Variants in GALK2 observed in about 807,000 individuals in gnomAD.
GALK2 encodes N-acetylgalactosamine kinase.
In GALK2, 36 loss-of-function variants were observed where a neutral mutation model predicts 52.4. The observed-to-expected ratio is 0.69, with a 90% CI of 0.53 to 0.91. The LOEUF is 0.91. Among genes scored for constraint, GALK2 ranks in the 40% least tolerant of loss-of-function variants. GALK2 has a pLI of 0.00. For synonymous variants in GALK2, 176 were observed against 199.1 expected (o/e 0.88, Z 0.98); for missense variants, 579 against 559.1 (o/e 1.04, Z -0.36).
intron 3 of GALK2, among the ~76,000 whole-genome samples, chr15:49,230,599 G>A (rs149013190): frequency 5.3e-5 from 8 of 152,120 alleles, no homozygotes; most frequent in Non-Finnish European, 1.2e-4. Context: ...GCATTCTTCT[G>A]TGCCTCCGAC....
At chr15:49,298,869 T>G (rs924467352) in intron 8 of GALK2, among the ~76,000 whole-genome samples, 1 of 152,130 alleles carries the variant, frequency 6.6e-6, no homozygotes, top group Non-Finnish European at 1.5e-5. Context: ...TGAAGTTTTC[T>G]TTTTTTGTTG....
At chr15:49,348,283 T>C (rs1014682170) in intron 3 of GALK2, among the ~76,000 whole-genome samples, 6 of 152,174 alleles carry the variant, frequency 3.9e-5, no homozygotes, top group African/African-American at 1.4e-4. Context: ...CTATTCCAAA[T>C]AAATATACAA....
At chr15:49,246,761 A>C (rs949905165) in intron 5 of GALK2, among the ~76,000 whole-genome samples, 2 of 152,214 alleles carry the variant, frequency 1.3e-5, no homozygotes, top group African/African-American at 4.8e-5. Context: ...CCAGAATAAC[A>C]TGTATAATAC....
intron 8 of GALK2, among the ~76,000 whole-genome samples, chr15:49,308,121 G>A (rs962356269): frequency 9.2e-5 from 14 of 152,084 alleles, no homozygotes; most frequent in Non-Finnish European, 1.6e-4. Flanking sequence ...CAATTATATT[G>A]CTTAAATGCT....
downstream of GALK2, among the ~76,000 whole-genome samples, chr15:49,336,626 T>C (rs935898105): frequency 1.3e-5 from 2 of 152,260 alleles, no homozygotes; most frequent in African/African-American, 4.8e-5. Flanking sequence ...GCTCATTTTA[T>C]TTATTTTTCA....
chr15:49,236,121 C>T (rs945715147), intron 4 of GALK2, among the ~76,000 whole-genome samples, 180 bp downstream of exon 4: 6 of 152,116 alleles, frequency 3.9e-5, no homozygotes, highest in African/African-American at 1.4e-4. Flanking sequence ...GTGGTGTTCA[C>T]AGGGGGCAGT....
intron 9 of GALK2, chr15:49,327,359 C>T (rs2037683981): frequency 6.6e-6 from 1 of 152,212 alleles, no homozygotes; most frequent in Non-Finnish European, 1.5e-5. Flanking sequence ...TTCAACCAAC[C>T]ACCGACCCAA....
At chr15:49,197,455 G>C (rs1280111571) in intron 1 of GALK2, among the ~76,000 whole-genome samples, 1 of 152,102 alleles carries the variant, frequency 6.6e-6, no homozygotes, top group Non-Finnish European at 1.5e-5. Context: ...TCAGATTTCA[G>C]ATTTATTGGA....
chr15:49,357,145 A>C (rs1446654338), intron 3 of GALK2, among the ~76,000 whole-genome samples: 1 of 150,696 alleles, frequency 6.6e-6, no homozygotes, highest in African/African-American at 2.4e-5. Context: ...AAGATCCAAA[A>C]TTGACACCCT....
intron 8 of GALK2, among the ~76,000 whole-genome samples, chr15:49,305,261 A>G (rs1011682005): frequency 2.0e-5 from 3 of 152,198 alleles, no homozygotes; most frequent in Admixed American, 1.3e-4. Context: ...ATAATGACCT[A>G]TTGTATGTGT....
intron 1 of GALK2, among the ~76,000 whole-genome samples, chr15:49,174,193 A>G (rs933674234): frequency 6.6e-6 from 1 of 152,186 alleles, no homozygotes; most frequent in African/African-American, 2.4e-5. Context: ...ATATATGTAT[A>G]TATATTCTCT....
intron 5 of GALK2, among the ~76,000 whole-genome samples, chr15:49,251,095 T>A (rs1307067677): frequency 1.3e-5 from 2 of 152,208 alleles, no homozygotes; most frequent in Non-Finnish European, 2.9e-5. Context: ...CCAAATGTGA[T>A]AGCTTGATAC....
intron 1 of GALK2, among the ~76,000 whole-genome samples, chr15:49,160,780 A>C (rs1037264072): frequency 2.6e-5 from 4 of 152,068 alleles, no homozygotes; most frequent in African/African-American, 9.7e-5. Flanking sequence ...AGGCAGGAGA[A>C]TCGCTTGAAC....
chr15:49,279,272 G>A (rs944232912), intron 5 of GALK2, among the ~76,000 whole-genome samples: 19 of 152,214 alleles, frequency 1.2e-4, no homozygotes, highest in Non-Finnish European at 2.4e-4. Context: ...ATTGTTAATA[G>A]AATATGAATA....
At chr15:49,302,090 A>C (rs568684305) in intron 8 of GALK2, among the ~76,000 whole-genome samples, 1 of 152,340 alleles carries the variant, frequency 6.6e-6, no homozygotes, top group East Asian at 1.9e-4. Context: ...TCAAGACCAC[A>C]TAGGTGGTAC....
intron 3 of GALK2, among the ~76,000 whole-genome samples, chr15:49,353,296 A>T (rs1467615774): frequency 1.3e-5 from 2 of 152,086 alleles, no homozygotes; most frequent in African/African-American, 4.8e-5. Flanking sequence ...CTTCAGTGCA[A>T]TCAAGGGTTT....
At chr15:49,270,209 A>C (rs1307073789) in intron 5 of GALK2, among the ~76,000 whole-genome samples, 1 of 152,254 alleles carries the variant, frequency 6.6e-6, no homozygotes, top group Non-Finnish European at 1.5e-5. Flanking sequence ...GTAGAAAACT[A>C]GGACAAAAGA....
At position 49,259,572 on chromosome 15, in the gene GALK2, C is replaced by CT. The variant is rs748698380; in HGVS notation, c.504+20217dup. On this transcript the variant is annotated intron_variant, in intron 5 of 9. Coordinates refer to ENST00000560031, the MANE Select transcript of GALK2 (RefSeq NM_002044.4). ...CCATGGTGTATATGTGCCACATTTT[C>CT]TTTTTTTTTTTTAATTATTATTATA... Among the ~76,000 whole-genome samples, 232 of 129,652 alleles carry CT rather than the reference C, an allele frequency of 1.8e-3. 1 individual carries two copies. The highest frequency in any genetic ancestry group is 9.3e-3 in the East Asian group (39 of 4,174). The allele number at this position is 129,652 out of a possible 152,430, so 85.1% of individuals were successfully genotyped here.
chr15:49,274,760 T>A (rs1396371335), intron 5 of GALK2, among the ~76,000 whole-genome samples: 1 of 152,198 alleles, frequency 6.6e-6, no homozygotes, highest in Non-Finnish European at 1.5e-5. Context: ...TAAAATTTTT[T>A]AATTTTTTAA....
Sources: allele counts gnomAD v4.1 joint callset (sites outside exome capture counted in the v4.1 genomes callset), GRCh38; gene constraint gnomAD v4.1.1; transcripts MANE v1.5; gene names NCBI Gene and HGNC (gene_info 2026-07-23, HGNC 2026-07-21).